SPIDR: variants seen among roughly 807,000 people sequenced by gnomAD.
The protein encoded by SPIDR is DNA repair-scaffolding protein.
Under a neutral mutation model 104.6 loss-of-function variants are expected in SPIDR, and 93 were observed. That is an observed-to-expected ratio of 0.89 (90% confidence interval 0.75 to 1.06). The LOEUF (loss-of-function observed/expected upper bound fraction) is 1.06, where lower values mean the gene tolerates loss of function less well. Ranked by LOEUF, SPIDR falls within the 50% of genes least tolerant of loss-of-function variation. SPIDR has a pLI of 0.00. For synonymous variants in SPIDR, 431 were observed against 416.9 expected (o/e 1.03, Z -0.41); for missense variants, 1,154 against 1,111.2 (o/e 1.04, Z -0.55).
intron 11 of SPIDR, among the ~76,000 whole-genome samples, chr8:47,688,796 T>A (rs1018658323): frequency 3.3e-5 from 5 of 152,356 alleles, no homozygotes; most frequent in African/African-American, 1.2e-4. Context: ...TCTGTTAGCA[T>A]AGTAGAGTTC....
At chr8:47,372,804 C>T (rs1303118650) in intron 5 of SPIDR, among the ~76,000 whole-genome samples, 1 of 152,000 alleles carries the variant, frequency 6.6e-6, no homozygotes, top group Non-Finnish European at 1.5e-5. Context: ...GATTGGGCTT[C>T]TAGTGTACCC....
At chr8:47,295,625 T>A (rs1314842871) in intron 5 of SPIDR, among the ~76,000 whole-genome samples, 4 of 152,200 alleles carry the variant, frequency 2.6e-5, no homozygotes, top group African/African-American at 9.6e-5. Flanking sequence ...TTGCAAATGA[T>A]AGAATTTCCT....
intron 5 of SPIDR, among the ~76,000 whole-genome samples, chr8:47,368,084 G>T (rs1057230336): frequency 2.0e-5 from 3 of 152,026 alleles, no homozygotes; most frequent in Non-Finnish European, 4.4e-5. Context: ...GCAGCTTCCT[G>T]GTTCATAGGT....
At chr8:47,634,746 C>T (rs1347041787) in intron 10 of SPIDR, among the ~76,000 whole-genome samples, 4 of 152,330 alleles carry the variant, frequency 2.6e-5, no homozygotes, top group Non-Finnish European at 5.9e-5. Context: ...AACTACTCCC[C>T]TGGCTCAGAG....
At chr8:47,652,860 G>C (rs1303048017) in intron 10 of SPIDR, among the ~76,000 whole-genome samples, 1 of 152,138 alleles carries the variant, frequency 6.6e-6, no homozygotes, top group Non-Finnish European at 1.5e-5. Flanking sequence ...AAGCCAGTCA[G>C]TCAGCTTAGA....
intron 5 of SPIDR, among the ~76,000 whole-genome samples, chr8:47,366,528 T>C (rs1224804300): frequency 6.6e-6 from 1 of 152,162 alleles, no homozygotes; most frequent in Admixed American, 6.5e-5. Context: ...ACGAAGTGTG[T>C]TTCAGAGTGG....
chr8:47,437,863 A>G (rs538547133), intron 7 of SPIDR, among the ~76,000 whole-genome samples: 137 of 152,320 alleles, frequency 9.0e-4, no homozygotes, highest in African/African-American at 3.2e-3. Flanking sequence ...TAGAAATACC[A>G]TTTGACCCAG....
intron 6 of SPIDR, among the ~76,000 whole-genome samples, chr8:47,401,400 G>A (rs1554662692): frequency 1.3e-4 from 20 of 152,148 alleles, no homozygotes; most frequent in Non-Finnish European, 4.4e-5. Context: ...AAAGACCATT[G>A]AGGCTAGGAA....
intron 6 of SPIDR, among the ~76,000 whole-genome samples, chr8:47,398,676 C>A (rs1326285693): frequency 2.0e-5 from 3 of 152,168 alleles, no homozygotes; most frequent in African/African-American, 7.2e-5. Flanking sequence ...ACGGGCAGGC[C>A]TGGCGTTGGA....
intron 8 of SPIDR, among the ~76,000 whole-genome samples, chr8:47,463,921 A>T (rs1194982511): frequency 6.6e-6 from 1 of 152,224 alleles, no homozygotes; most frequent in Non-Finnish European, 1.5e-5. Flanking sequence ...ATGACAACTT[A>T]GAAGCTTTCC....
intron 8 of SPIDR, among the ~76,000 whole-genome samples, chr8:47,463,531 A>G (rs1378455667): frequency 6.6e-6 from 1 of 152,098 alleles, no homozygotes; most frequent in Non-Finnish European, 1.5e-5. Flanking sequence ...CCCTGAGGCT[A>G]GCATTACCCT....
intron 7 of SPIDR, among the ~76,000 whole-genome samples, chr8:47,434,595 T>C (rs2067946240): frequency 6.6e-6 from 1 of 152,220 alleles, no homozygotes; most frequent in Non-Finnish European, 1.5e-5. Context: ...AAAGTATTTC[T>C]GTTAGAAAGA....
At chr8:47,641,875 T>G (rs886857380) in intron 10 of SPIDR, among the ~76,000 whole-genome samples, 1 of 152,224 alleles carries the variant, frequency 6.6e-6, no homozygotes, top group Non-Finnish European at 1.5e-5. Flanking sequence ...ATGGAATACC[T>G]GCCAGCAGCT....
At chr8:47,545,285 G>A (rs1286236116) in intron 8 of SPIDR, among the ~76,000 whole-genome samples, 4 of 151,640 alleles carry the variant, frequency 2.6e-5, no homozygotes, top group African/African-American at 9.7e-5. Context: ...GGCCAGGCTG[G>A]TTTCGAATTC....
At chr8:47,660,191 TG>T (rs1393991374) in intron 10 of SPIDR, among the ~76,000 whole-genome samples, 1 of 152,248 alleles carries the variant, frequency 6.6e-6, no homozygotes, top group African/African-American at 2.4e-5. Flanking sequence ...TGATTTGTTC[TG>T]TTGCCTTTAC....
At position 47,265,417 on chromosome 8, in the gene SPIDR, C is replaced by T. The variant is rs186426033; in HGVS notation, c.33+4426C>T. The stretch of plus-strand genomic sequence containing the variant: ...TGTTGCCGAGGCTGGTCTCGAATTC[C>T]TGACCTCAAGCCGTTCTTTCTCCTT... On this transcript the variant is annotated intron_variant, in intron 1 of 19. Transcript: ENST00000297423. Among the ~76,000 whole-genome samples, 9 of 151,810 alleles carry T rather than the reference C, an allele frequency of 5.9e-5. No homozygotes were observed. The East Asian group carries it at 1.8e-3, about 30-fold the overall frequency.
At chr8:47,547,105 C>G in intron 8 of SPIDR, 1 of 569,312 alleles carries the variant, frequency 1.8e-6, no homozygotes, top group South Asian at 1.6e-5. Flanking sequence ...GTTTCCAAAT[C>G]AATCTGAATG....
intron 5 of SPIDR, among the ~76,000 whole-genome samples, chr8:47,364,160 A>C (rs952106411): frequency 6.6e-6 from 1 of 152,230 alleles, no homozygotes; most frequent in Non-Finnish European, 1.5e-5. Flanking sequence ...TATTTTGTAC[A>C]TTTTGCCTAG....
At chr8:47,460,191 G>A (rs1554712571) in intron 8 of SPIDR, among the ~76,000 whole-genome samples, 1 of 152,060 alleles carries the variant, frequency 6.6e-6, no homozygotes, top group Admixed American at 6.6e-5. Flanking sequence ...TTTGTTTGTT[G>A]ACTTTCTGTC....
Sources: gnomAD v4.1 joint callset for allele counts (sites outside exome capture counted in the v4.1 genomes callset) on GRCh38, gnomAD v4.1.1 for gene constraint, MANE v1.5 for transcripts, NCBI Gene and HGNC (gene_info 2026-07-23, HGNC 2026-07-21) for gene names.